CRHBP: variants seen among roughly 807,000 people sequenced by gnomAD.
CRHBP encodes the protein corticotropin-releasing hormone-binding protein.
CRHBP carries 19 observed loss-of-function variants against 34.9 expected under a neutral mutation model. The ratio of observed to expected loss-of-function variants is 0.55; its 90% confidence interval spans 0.38 to 0.80. CRHBP has a LOEUF of 0.80. Among genes scored for constraint, CRHBP ranks in the 30% least tolerant of loss-of-function variants. The pLI is 0.00. For missense variants in CRHBP, 328 were observed against 409.2 expected, an observed-to-expected ratio of 0.80 and a Z score of 1.71; for synonymous variants, 154 against 153.4, an observed-to-expected ratio of 1.00 and a Z score of -0.03.
chr5:76,963,211 G>T (rs1374607946), intron 5 of CRHBP, 132 bp from the exon 6 acceptor site: 1 of 659,022 alleles, frequency 1.5e-6, no homozygotes, highest in Non-Finnish European at 2.7e-6. Flanking sequence ...CAGAGTCCCA[G>T]ATGTTAAATT....
downstream of CRHBP, among the ~76,000 whole-genome samples, chr5:76,969,684 G>A (rs547498639): frequency 4.4e-4 from 67 of 152,286 alleles, no homozygotes; most frequent in South Asian, 0.013. Context: ...GCAGGGAAGC[G>A]GGTGCAGAGA....
At chr5:76,978,946 AAAAAG>A (rs1232531116) in intron 3 of CRHBP, among the ~76,000 whole-genome samples, 1 of 152,200 alleles carries the variant, frequency 6.6e-6, no homozygotes, top group Non-Finnish European at 1.5e-5. Context: ...AATGCTTTGT[AAAAAG>A]AAGAGTCAAT....
chr5:76,980,607 A>G (rs1161793374), intron 3 of CRHBP, among the ~76,000 whole-genome samples: 1 of 152,278 alleles, frequency 6.6e-6, no homozygotes, highest in African/African-American at 2.4e-5. Context: ...CATTTAGTCA[A>G]ACTCATCTGG....
downstream of CRHBP, among the ~76,000 whole-genome samples, chr5:76,971,053 AAATCTCCGGGGGAGATTT>A (rs1172236512): frequency 2.0e-5 from 3 of 152,196 alleles, no homozygotes; most frequent in Non-Finnish European, 4.4e-5. Context: ...ATGGTAAATG[AAATCTCCGGGGGAGATTT>A]ATAGGTTGTG....
intron 3 of CRHBP, among the ~76,000 whole-genome samples, chr5:76,977,912 A>G (rs943370081): frequency 6.6e-6 from 1 of 152,264 alleles, no homozygotes; most frequent in Non-Finnish European, 1.5e-5. Context: ...ACTCCAGTGA[A>G]TACACAAATG....
At position 76,954,053 on chromosome 5, in the gene CRHBP, A is replaced by G. The variant is rs1230258838; in HGVS notation, c.200A>G (p.Gln67Arg). The G allele has an allele frequency of 6.2e-7, 1 of 1,613,716 alleles. No individual in the cohort carries two copies. Among genetic ancestry groups the G allele is most frequent in the Non-Finnish European group, 8.5e-7 (1 of 1,179,900 alleles). Residue 67 changes from glutamine (Q) to arginine (R), a missense_variant, in exon 3 of 7, where the codon CAG becomes CGG. By Grantham distance (43) the Gln-to-Arg change is conservative. Transcript: ENST00000274368. Reference protein sequence around the residue: ...ALRCLDMLSLQGQFTFTADRP... With the variant: ...ALRCLDMLSLRGQFTFTADRP... The stretch of plus-strand genomic sequence containing the variant: ...GGGTGCCTGGACATGCTGAGCCTCC[A>G]GGGCCAGTTCACCTTCACCGCCGAC...
downstream of CRHBP, among the ~76,000 whole-genome samples, chr5:76,972,168 G>A (rs1745956834): frequency 1.3e-5 from 2 of 151,794 alleles, no homozygotes; most frequent in African/African-American, 4.8e-5. Context: ...AAGTATCTGG[G>A]GGTCACGGGT....
chr5:76,963,200 C>T, intron 5 of CRHBP, 143 bp from the exon 6 acceptor site: 1 of 591,180 alleles, frequency 1.7e-6, no homozygotes, highest in Non-Finnish European at 3.0e-6. Context: ...CTTTTAATTT[C>T]CAGAGTCCCA....
downstream of CRHBP, among the ~76,000 whole-genome samples, chr5:76,970,100 C>T (rs1020779388): frequency 2.0e-5 from 3 of 151,894 alleles, no homozygotes; most frequent in South Asian, 6.2e-4. Context: ...TGTGCGCCAC[C>T]ATGCCTGGCT....
At chr5:76,961,785 ACT>A (rs1283972523) in intron 5 of CRHBP, among the ~76,000 whole-genome samples, 3 of 151,824 alleles carry the variant, frequency 2.0e-5, no homozygotes, top group African/African-American at 7.3e-5. Flanking sequence ...ACAGAGTCTC[ACT>A]CTGTCGCCCA....
intron 1 of CRHBP, 112 bp from the exon 2 acceptor site, chr5:76,953,489 C>T: frequency 9.0e-7 from 1 of 1,108,678 alleles, no homozygotes; most frequent in Non-Finnish European, 1.3e-6. Flanking sequence ...GAAAACATTA[C>T]CCCTCTCTCT....
rs1302379794 is a variant in CRHBP, at chr5:76,969,266, T to C, written c.*381T>C. The C allele has an allele frequency of 6.1e-6, 1 of 164,872 alleles. No individual in the cohort carries two copies. The highest frequency in any genetic ancestry group is 1.7e-4 in the East Asian group (1 of 5,920). 10.2% of individuals were successfully genotyped at this position (164,872 alleles called of 1,614,324 possible). ...AGAAAGAAAAGTGGCAGCACTTATA[T>C]TAGTTTTATAACAGGATAAAGTCTT... On this transcript the variant is annotated 3_prime_UTR_variant, in exon 7 of 7. Transcript: ENST00000274368.
chr5:76,962,896 A>G (rs1475266133), intron 5 of CRHBP, among the ~76,000 whole-genome samples: 1 of 152,234 alleles, frequency 6.6e-6, no homozygotes, highest in Non-Finnish European at 1.5e-5. Context: ...GGTGAAGGAA[A>G]AACGGATGTG....
chr5:76,978,962 T>C (rs1746079376), intron 3 of CRHBP, among the ~76,000 whole-genome samples: 1 of 152,182 alleles, frequency 6.6e-6, no homozygotes. Context: ...AAGAGTCAAT[T>C]AATGTGGCAA....
At chr5:76,975,825 A>AAAAAAAAAATATATATATATATATATAT in intron 2 of CRHBP, among the ~76,000 whole-genome samples, 1 of 61,856 alleles carries the variant, frequency 1.6e-5, no homozygotes, top group Non-Finnish European at 2.7e-5. Flanking sequence ...AAAAAAAAAA[A>AAAAAAAAAATATATATATATATATATAT]ATATATATAT....
intron 2 of CRHBP, 114 bp downstream of exon 2, chr5:76,953,808 G>A: frequency 8.2e-7 from 1 of 1,221,516 alleles, no homozygotes; most frequent in South Asian, 1.4e-5. Context: ...GGAACCGCCA[G>A]GGGCGCGGTC....
chr5:76,956,344 T>C (rs1277793905), intron 4 of CRHBP, among the ~76,000 whole-genome samples: 2 of 152,236 alleles, frequency 1.3e-5, no homozygotes, highest in African/African-American at 2.4e-5. Flanking sequence ...TGTTACCTTC[T>C]GATTCTGAGC....
chr5:76,967,841 G>C (rs568191314), intron 6 of CRHBP, among the ~76,000 whole-genome samples: 1 of 152,026 alleles, frequency 6.6e-6, no homozygotes, highest in Non-Finnish European at 1.5e-5. Flanking sequence ...TGGGACTACA[G>C]GTGCGCACCA....
downstream of CRHBP, among the ~76,000 whole-genome samples, chr5:76,974,153 A>G (rs1305310999): frequency 6.6e-6 from 1 of 151,976 alleles, no homozygotes. Context: ...AGTAGCTGGG[A>G]TTACAGGCAT....
Sources: gnomAD v4.1 joint callset for allele counts (sites outside exome capture counted in the v4.1 genomes callset) on GRCh38, gnomAD v4.1.1 for gene constraint, MANE v1.5 for transcripts, NCBI Gene and HGNC (gene_info 2026-07-23, HGNC 2026-07-21) for gene names.